The following AMD1 variants were observed in gnomAD, a reference collection of about 807,000 sequenced individuals.
AMD1 encodes S-adenosylmethionine decarboxylase proenzyme.
AMD1 carries 11 observed loss-of-function variants against 40.2 expected under a neutral mutation model. The ratio of observed to expected loss-of-function variants is 0.27; its 90% CI spans 0.17 to 0.45. The LOEUF (loss-of-function observed/expected upper bound fraction) is 0.45, where lower values mean the gene tolerates loss of function less well. Among genes scored for constraint, AMD1 ranks in the 20% least tolerant of loss-of-function variants. The probability of loss-of-function intolerance (pLI) is 1.00; values close to 1 mark genes in which losing one functional copy is unlikely to be tolerated. For missense variants in AMD1, 257 were observed against 410.2 expected (o/e 0.63, Z 3.23); for synonymous variants, 121 against 130.8 (o/e 0.93, Z 0.51).
At chr6:110,847,264 G>T in the AMD1 span, among the ~76,000 whole-genome samples, 12 of 151,968 alleles carry the variant, frequency 7.9e-5, no homozygotes, top group African/African-American at 2.7e-4. Context: ...AGTGGCTCAC[G>T]CCTGTAATCC....
At chr6:110,869,712 T>C in the AMD1 span, among the ~76,000 whole-genome samples, 1 of 151,448 alleles carries the variant, frequency 6.6e-6, no homozygotes, top group Non-Finnish European at 1.5e-5. Context: ...GTTCTCCTTT[T>C]TGTTCAGGCT....
intron 1 of AMD1, among the ~76,000 whole-genome samples, chr6:110,876,569 C>T (rs1241040131): frequency 2.0e-5 from 3 of 152,012 alleles, no homozygotes; most frequent in African/African-American, 7.2e-5. Context: ...TTGAACGATT[C>T]CATTGTAGAA....
At chr6:110,835,962 G>A in the AMD1 span, among the ~76,000 whole-genome samples, 25 of 141,736 alleles carry the variant, frequency 1.8e-4, no homozygotes, top group Admixed American at 1.4e-3. Context: ...GCAGGGAGCC[G>A]TGATTGCGCC....
At chr6:110,829,283 A>G in the AMD1 span, among the ~76,000 whole-genome samples, 2 of 151,582 alleles carry the variant, frequency 1.3e-5, no homozygotes, top group East Asian at 1.9e-4. Context: ...TGCAATCCCA[A>G]CACTTTGGGA....
chr6:110,885,224 G>A (rs1052904193), intron 1 of AMD1, among the ~76,000 whole-genome samples: 2 of 151,902 alleles, frequency 1.3e-5, no homozygotes, highest in Admixed American at 1.3e-4. Context: ...TCAGTCTCCT[G>A]CCTCAGCCTC....
At chr6:110,891,368 A>G (rs1244894291) in intron 4 of AMD1, 1 of 152,238 alleles carries the variant, frequency 6.6e-6, no homozygotes, top group African/African-American at 2.4e-5. Context: ...CTTCAGAAAA[A>G]TGCCTAGTGC....
At chr6:110,859,279 G>A in the AMD1 span, 1 of 367,088 alleles carries the variant, frequency 2.7e-6, no homozygotes, top group Non-Finnish European at 5.2e-6. Flanking sequence ...GGCGGTGTGG[G>A]ATCAGGGAGG....
At chr6:110,825,936 G>A in the AMD1 span, among the ~76,000 whole-genome samples, 1 of 152,070 alleles carries the variant, frequency 6.6e-6, no homozygotes, top group African/African-American at 2.4e-5. Flanking sequence ...GGGAGACTAA[G>A]GTGGAAGAAT....
In AMD1 at chr6:110,875,010, G is replaced by A. The variant is rs931125179; in HGVS notation, c.-96G>A. 13 of 934,360 alleles carry A rather than the reference G, an allele frequency of 1.4e-5. No homozygotes were observed. The highest frequency in any genetic ancestry group is 8.2e-5 in the African/African-American group (5 of 60,634). The allele number at this position is 934,360 out of a possible 1,614,324, so 57.9% of individuals were successfully genotyped here. ...AAGGAACCTGAACTTTAGTAACACAGCTGGAACAATCCGCAGCGGCGGCGG... is the reference window on the plus strand; with the variant it reads ...AAGGAACCTGAACTTTAGTAACACAACTGGAACAATCCGCAGCGGCGGCGG... On this transcript the variant is annotated 5_prime_UTR_variant, in exon 1 of 9. Transcript: ENST00000368885.
chr6:110,846,235 AAAC>A, the AMD1 span, among the ~76,000 whole-genome samples: 2 of 151,922 alleles, frequency 1.3e-5, no homozygotes, highest in African/African-American at 2.4e-5. Flanking sequence ...TGACTGTCTC[AAAC>A]AACAACAACA....
intron 1 of AMD1, among the ~76,000 whole-genome samples, chr6:110,878,610 G>A (rs1206612839): frequency 4.6e-5 from 7 of 152,114 alleles, no homozygotes; most frequent in Non-Finnish European, 5.9e-5. Context: ...CAGATTTTAC[G>A]GATGTTGAAT....
chr6:110,869,421 C>T, the AMD1 span, among the ~76,000 whole-genome samples: 1 of 152,034 alleles, frequency 6.6e-6, no homozygotes, highest in Non-Finnish European at 1.5e-5. Flanking sequence ...CGTGAGCCAC[C>T]GCGCCCAGCC....
chr6:110,838,121 G>A, the AMD1 span, among the ~76,000 whole-genome samples: 1 of 151,066 alleles, frequency 6.6e-6, no homozygotes, highest in Non-Finnish European at 1.5e-5. Context: ...AGGCACAGTG[G>A]CTAACACCTG....
At chr6:110,824,038 A>C in the AMD1 span, among the ~76,000 whole-genome samples, 1 of 152,206 alleles carries the variant, frequency 6.6e-6, no homozygotes, top group South Asian at 2.1e-4. Context: ...AAGTAGATGT[A>C]CCATTCAATC....
chr6:110,832,603 C>T, the AMD1 span, among the ~76,000 whole-genome samples: 20 of 152,286 alleles, frequency 1.3e-4, no homozygotes, highest in Middle Eastern at 6.8e-3. Flanking sequence ...GCTGCCTATA[C>T]GCTACTACAA....
the AMD1 span, among the ~76,000 whole-genome samples, chr6:110,819,139 C>A: frequency 1.3e-5 from 2 of 152,146 alleles, no homozygotes; most frequent in African/African-American, 4.8e-5. Context: ...GGGCGGATCA[C>A]CTCAGTCCAG....
chr6:110,817,186 A>G, the AMD1 span, among the ~76,000 whole-genome samples: 1 of 152,220 alleles, frequency 6.6e-6, no homozygotes, highest in African/African-American at 2.4e-5. Context: ...AATTCTACCC[A>G]AAGTGGTAGA....
rs183813296 is a variant in AMD1 at position 110,889,877 on chromosome 6, A to G, written c.325-377A>G. ...TGTGCTTAACCGATGCTTAAAACTAATATGTTATTCCCCCCAAATTTTTGC... is the reference window on the plus strand; with the variant it reads ...TGTGCTTAACCGATGCTTAAAACTAGTATGTTATTCCCCCCAAATTTTTGC... On this transcript the variant is annotated intron_variant, in intron 3 of 8. Transcript: ENST00000368885. The G allele has an allele frequency of 1.4e-4, 23 of 164,466 alleles. No individual in the cohort carries two copies. The East Asian group carries it at 3.9e-3, about 28-fold the overall frequency. 10.2% of individuals were successfully genotyped at this position (164,466 alleles called of 1,614,324 possible). A position where few individuals can be genotyped will look rare whatever the true frequency, so the allele number is the denominator to read the frequency against.
At chr6:110,831,033 A>C in the AMD1 span, among the ~76,000 whole-genome samples, 1 of 151,848 alleles carries the variant, frequency 6.6e-6, no homozygotes, top group Non-Finnish European at 1.5e-5. Flanking sequence ...GGGTATTTTT[A>C]ATTCGTTTTG....
Sources: gnomAD v4.1 joint callset for allele counts (sites outside exome capture counted in the v4.1 genomes callset) on GRCh38, gnomAD v4.1.1 for gene constraint, MANE v1.5 for transcripts, NCBI Gene and HGNC (gene_info 2026-07-23, HGNC 2026-07-21) for gene names.